The following ADK variants were observed in gnomAD, a reference collection of about 807,000 sequenced individuals.
ADK encodes N6,N6-dimethyladenosine kinase.
ADK carries 24 observed loss-of-function variants against 44.7 expected under a neutral mutation model. That is an observed-to-expected ratio of 0.54 (90% confidence interval 0.39 to 0.76). The LOEUF is 0.76. Among genes scored for constraint, ADK ranks in the 30% least tolerant of loss-of-function variants. The pLI is 0.00. For synonymous variants in ADK, 128 were observed against 142.6 expected (o/e 0.90, Z 0.73); for missense variants, 321 against 425.1 (o/e 0.76, Z 2.15).
chr10:74,502,201 T>G (rs779917934), intron 6 of ADK, among the ~76,000 whole-genome samples: 2 of 152,160 alleles, frequency 1.3e-5, no homozygotes, highest in Non-Finnish European at 2.9e-5. Context: ...GTGATTTCTT[T>G]TTAAACTACT....
intron 6 of ADK, among the ~76,000 whole-genome samples, chr10:74,524,107 A>C (rs919235120): frequency 1.3e-5 from 2 of 152,124 alleles, no homozygotes; most frequent in African/African-American, 4.8e-5. Context: ...TGCACCATCC[A>C]AACTAATTTC....
chr10:74,241,678 G>A (rs894971164), intron 3 of ADK, among the ~76,000 whole-genome samples: 17 of 152,000 alleles, frequency 1.1e-4, no homozygotes, highest in Admixed American at 3.3e-4. Flanking sequence ...GAGACACTGC[G>A]CCCAGCCGAT....
chr10:74,225,072 G>T (rs536820425), intron 3 of ADK, among the ~76,000 whole-genome samples: 97 of 152,106 alleles, frequency 6.4e-4, no homozygotes, highest in Admixed American at 2.0e-4. Context: ...TTGGTACAAG[G>T]TAAAACACTT....
At chr10:74,418,425 G>A (rs917761948) in intron 6 of ADK, among the ~76,000 whole-genome samples, 6 of 152,114 alleles carry the variant, frequency 3.9e-5, no homozygotes, top group Non-Finnish European at 8.8e-5. Context: ...AGCAGCCCAG[G>A]CGGCAACAGC....
chr10:74,567,761 C>T (rs1237928992), intron 7 of ADK, among the ~76,000 whole-genome samples: 7 of 145,938 alleles, frequency 4.8e-5, no homozygotes, highest in South Asian at 2.2e-4. Context: ...TGCAGTGGCG[C>T]GATCTCAGCT....
rs142599453 is a variant in ADK, at chr10:74,164,545, A to C, written c.65+13202A>C. Among the ~76,000 whole-genome samples the C allele has an allele frequency of 1.9e-3, 288 of 152,216 alleles. 2 individuals carry two copies. The highest frequency in any genetic ancestry group is 6.7e-3 in the African/African-American group (277 of 41,538). On this transcript the variant is annotated intron_variant, in intron 1 of 10. Coordinates refer to ENST00000539909, the MANE Select transcript of ADK (RefSeq NM_006721.4). ...AGTGAGACTCCATCTTAAAAAAGGA[A>C]AAATTTGTCCTTTTTTTTTGGGAGG...
At chr10:74,274,081 G>A (rs189782290) in intron 3 of ADK, among the ~76,000 whole-genome samples, 2 of 151,970 alleles carry the variant, frequency 1.3e-5, no homozygotes, top group Admixed American at 6.6e-5. Flanking sequence ...ACAATATGGG[G>A]GTTAGTAGTG....
chr10:74,247,649 TA>T (rs1845473331), intron 3 of ADK, among the ~76,000 whole-genome samples: 2 of 152,196 alleles, frequency 1.3e-5, no homozygotes, highest in African/African-American at 4.8e-5. Context: ...ATGAGTAAAT[TA>T]GGAATATTGA....
chr10:74,158,149 T>C (rs897521051), intron 1 of ADK, among the ~76,000 whole-genome samples: 1 of 152,186 alleles, frequency 6.6e-6, no homozygotes, highest in Non-Finnish European at 1.5e-5. Context: ...CCAAATTTAA[T>C]AGTGGGCATC....
At chr10:74,325,739 T>G (rs1840982622) in intron 4 of ADK, among the ~76,000 whole-genome samples, 1 of 152,192 alleles carries the variant, frequency 6.6e-6, no homozygotes. Context: ...TGAAATATGG[T>G]TTTTTCCTGC....
At chr10:74,358,951 A>G (rs1592097104) in intron 4 of ADK, among the ~76,000 whole-genome samples, 1 of 152,166 alleles carries the variant, frequency 6.6e-6, no homozygotes, top group East Asian at 1.9e-4. Flanking sequence ...AGGTTTTTTT[A>G]AGAGATTGGG....
chr10:74,570,156 A>G (rs1589257605), intron 7 of ADK, among the ~76,000 whole-genome samples: 2 of 151,910 alleles, frequency 1.3e-5, no homozygotes, highest in Admixed American at 6.5e-5. Flanking sequence ...TACCAGTACC[A>G]TGCTGTTTTG....
intron 7 of ADK, among the ~76,000 whole-genome samples, chr10:74,560,149 G>C (rs112713832): frequency 1.3e-5 from 2 of 152,098 alleles, no homozygotes; most frequent in Non-Finnish European, 2.9e-5. Context: ...AATCTCCTGA[G>C]CTCAAGTGAT....
intron 10 of ADK, among the ~76,000 whole-genome samples, chr10:74,699,406 G>A (rs1856333359): frequency 1.3e-5 from 2 of 151,900 alleles, no homozygotes; most frequent in South Asian, 2.1e-4. Flanking sequence ...GGCCAGGCAT[G>A]GTGGCTCACA....
intron 6 of ADK, among the ~76,000 whole-genome samples, chr10:74,412,053 A>G (rs1844201313): frequency 6.6e-6 from 1 of 152,162 alleles, no homozygotes; most frequent in African/African-American, 2.4e-5. Flanking sequence ...TTCTCTTGCT[A>G]TTTCCATCAC....
At chr10:74,312,284 T>C (rs1840459461) in intron 3 of ADK, among the ~76,000 whole-genome samples, 1 of 94,560 alleles carries the variant, frequency 1.1e-5, no homozygotes, top group South Asian at 2.9e-4. Flanking sequence ...TAAGGACACT[T>C]GTAGATAGAG....
chr10:74,525,276 C>G lies in ADK; in HGVS notation c.576C>G (p.Ser192=). The part of the protein sequence containing the change: ...CYIAGFFLTV[S]PESVLKVAHH... ...TCCAGGGCTTTTTTCTTACAGTTTC[C>G]CCAGAGTCAGTATTAAAGGTGGCTC... The change falls in exon 7 of 11, where the codon TCC becomes TCG. Residue 192 remains serine, a synonymous_variant. Coordinates refer to ENST00000539909, the MANE Select transcript of ADK (RefSeq NM_006721.4). 2 of 1,613,642 alleles carry G rather than the reference C, an allele frequency of 1.2e-6. No individual in the cohort carries two copies. The highest frequency in any genetic ancestry group is 1.7e-6 in the Non-Finnish European group (2 of 1,179,872).
intron 1 of ADK, among the ~76,000 whole-genome samples, chr10:74,155,075 T>C (rs1176343874): frequency 2.0e-5 from 3 of 152,246 alleles, no homozygotes; most frequent in Admixed American, 6.5e-5. Flanking sequence ...TACAGTTCTC[T>C]AATCAGCAAA....
At chr10:74,539,882 T>G (rs998152783) in intron 7 of ADK, among the ~76,000 whole-genome samples, 1 of 152,202 alleles carries the variant, frequency 6.6e-6, no homozygotes, top group Admixed American at 6.5e-5. Flanking sequence ...AAAGTGAGAT[T>G]GACTGTAGCA....
Sources: gnomAD v4.1 joint callset for allele counts (sites outside exome capture counted in the v4.1 genomes callset) on GRCh38, gnomAD v4.1.1 for gene constraint, MANE v1.5 for transcripts, NCBI Gene and HGNC (gene_info 2026-07-23, HGNC 2026-07-21) for gene names.